The following ANKFN1 variants were observed in gnomAD, a reference collection of about 807,000 sequenced individuals.
The protein encoded by ANKFN1 is ankyrin repeat and fibronectin type III domain containing 1, also known as ankyrin repeat and fibronectin type-III domain-containing protein 1.
Under a neutral mutation model 108.7 loss-of-function variants are expected in ANKFN1, and 74 were observed. That is an observed-to-expected ratio of 0.68 (90% confidence interval 0.56 to 0.83). The LOEUF (loss-of-function observed/expected upper bound fraction) is 0.83. Among genes scored for constraint, ANKFN1 ranks in the 40% least tolerant of loss-of-function variants. The pLI, the probability that ANKFN1 is intolerant of heterozygous loss-of-function variation, is 0.00. For synonymous variants in ANKFN1, 547 were observed against 516.2 expected (o/e 1.06, Z -0.81); for missense variants, 1,505 against 1,382.3 (o/e 1.09, Z -1.41).
intron 4 of ANKFN1, among the ~76,000 whole-genome samples, chr17:56,101,325 A>G (rs536560994): frequency 2.0e-5 from 3 of 152,294 alleles, no homozygotes; most frequent in Admixed American, 1.3e-4. Context: ...AAACAAATCA[A>G]TGTCACAGAT....
chr17:56,196,379 G>C (rs1206210497), intron 1 of ANKFN1, among the ~76,000 whole-genome samples: 1 of 152,152 alleles, frequency 6.6e-6, no homozygotes, highest in Non-Finnish European at 1.5e-5. Context: ...AGGGAATCAA[G>C]TATGAGAATT....
intron 4 of ANKFN1, among the ~76,000 whole-genome samples, chr17:56,115,860 C>G (rs1028316137): frequency 6.6e-6 from 1 of 152,094 alleles, no homozygotes; most frequent in Non-Finnish European, 1.5e-5. Flanking sequence ...CTCTTGAGCC[C>G]CTGGTCCTAC....
intron 15 of ANKFN1, among the ~76,000 whole-genome samples, chr17:56,466,886 C>G (rs1269712780): frequency 1.3e-5 from 2 of 152,084 alleles, no homozygotes; most frequent in African/African-American, 2.4e-5. Flanking sequence ...GGGTAGATCA[C>G]TTGAGGTCAG....
intron 1 of ANKFN1, among the ~76,000 whole-genome samples, chr17:56,198,234 G>T (rs1428374899): frequency 6.6e-6 from 1 of 152,116 alleles, no homozygotes; most frequent in Non-Finnish European, 1.5e-5. Flanking sequence ...CTGAATTGTG[G>T]GGAGGTCTCG....
intron 3 of ANKFN1, among the ~76,000 whole-genome samples, chr17:56,277,758 T>C (rs1258489522): frequency 6.6e-6 from 1 of 152,222 alleles, no homozygotes; most frequent in Non-Finnish European, 1.5e-5. Flanking sequence ...CATAAAATCA[T>C]ATTTTTAGCC....
chr17:56,440,447 T>C, intron 9 of ANKFN1, 23 bp downstream of exon 9: 1 of 1,565,950 alleles, frequency 6.4e-7, no homozygotes, highest in African/African-American at 1.4e-5. Flanking sequence ...AGTAGACTTT[T>C]CATTTCCCTA....
At chr17:56,370,682 C>T (rs535856349) in intron 6 of ANKFN1, among the ~76,000 whole-genome samples, 16 of 152,234 alleles carry the variant, frequency 1.1e-4, no homozygotes, top group South Asian at 2.1e-4. Context: ...CAAACTCTGA[C>T]GCCTAACCTA....
intron 1 of ANKFN1, chr17:56,174,175 A>G (rs974543855): frequency 1.0e-6 from 1 of 985,306 alleles, no homozygotes; most frequent in African/African-American, 1.7e-5. Flanking sequence ...GGCTGCATTC[A>G]TTTCCTGGGC....
At chr17:56,354,092 C>G in intron 6 of ANKFN1, 46 bp downstream of exon 6, 1 of 1,574,888 alleles carries the variant, frequency 6.3e-7, no homozygotes, top group South Asian at 1.1e-5. Flanking sequence ...AGCCAGATTC[C>G]AGCCTTATGC....
intron 1 of ANKFN1, among the ~76,000 whole-genome samples, chr17:56,178,501 A>T (rs1039821833): frequency 1.3e-5 from 2 of 152,154 alleles, no homozygotes; most frequent in African/African-American, 4.8e-5. Flanking sequence ...AGGAGCTGTG[A>T]ATTCAGCAGT....
chr17:56,050,713 C>T (rs1300175620), intron 4 of ANKFN1, among the ~76,000 whole-genome samples: 27 of 151,998 alleles, frequency 1.8e-4, no homozygotes, highest in African/African-American at 4.8e-4. Flanking sequence ...AGATATGCGG[C>T]GTTATTTCTG....
At chr17:56,218,132 A>G (rs1050211737) in intron 2 of ANKFN1, among the ~76,000 whole-genome samples, 3 of 151,240 alleles carry the variant, frequency 2.0e-5, no homozygotes, top group Admixed American at 6.6e-5. Context: ...CTAATCCCCT[A>G]TCCACATCCA....
At chr17:56,462,145 T>C (rs1276362103) in intron 14 of ANKFN1, 1 of 152,164 alleles carries the variant, frequency 6.6e-6, no homozygotes. Context: ...ACAGCGAAGA[T>C]GTCTGGAAAT....
intron 4 of ANKFN1, among the ~76,000 whole-genome samples, chr17:56,069,609 T>C (rs139994267): frequency 9.9e-5 from 15 of 152,220 alleles, no homozygotes; most frequent in African/African-American, 3.4e-4. Context: ...CATAAGAAAT[T>C]ACCACAAACT....
At chr17:56,402,883 G>C (rs1176151774) in intron 8 of ANKFN1, among the ~76,000 whole-genome samples, 1 of 152,072 alleles carries the variant, frequency 6.6e-6, no homozygotes, top group Non-Finnish European at 1.5e-5. Context: ...CTGTATCCCA[G>C]AGGTTTCGGT....
chr17:56,370,351 G>A (rs1436145804), intron 6 of ANKFN1, among the ~76,000 whole-genome samples: 1 of 152,120 alleles, frequency 6.6e-6, no homozygotes, highest in Non-Finnish European at 1.5e-5. Context: ...ATTGTCAGAA[G>A]GAGCCAAGCA....
intron 2 of ANKFN1, among the ~76,000 whole-genome samples, chr17:56,226,431 A>G (rs889815848): frequency 3.3e-5 from 5 of 152,170 alleles, no homozygotes; most frequent in Non-Finnish European, 5.9e-5. Flanking sequence ...CCACCTTCAC[A>G]GATAGTAAAT....
chr17:56,479,630 G>C (rs568915687), intron 16 of ANKFN1, among the ~76,000 whole-genome samples: 1 of 152,336 alleles, frequency 6.6e-6, no homozygotes, highest in South Asian at 2.1e-4. Flanking sequence ...AAAGAGAGTA[G>C]TTTTTGATGA....
chr17:56,237,892 A>G lies in ANKFN1; in HGVS notation c.53+9935A>G, dbSNP rs145918316. On this transcript the variant is annotated intron_variant, in intron 3 of 20. Transcript: ENST00000682825. ...TAGGTTGTTAATTTGAAATCTTTCT[A>G]ACTTTTTGATGTGGGAGTTTAGTGC... 3.4e-3 allele frequency among the ~76,000 whole-genome samples: 513 copies of G among 152,112 alleles called. 3 individuals are homozygous for G. Among genetic ancestry groups the G allele is most frequent in the African/African-American group, 0.011 (475 of 41,510 alleles).
Sources: allele counts gnomAD v4.1 joint callset (sites outside exome capture counted in the v4.1 genomes callset), GRCh38; gene constraint gnomAD v4.1.1; transcripts MANE v1.5; gene names NCBI Gene and HGNC (gene_info 2026-07-23, HGNC 2026-07-21).